Variants in SENP6 observed in about 807,000 individuals in gnomAD.
The protein encoded by SENP6 is SUMO specific peptidase 6.
Under a neutral mutation model 134.5 loss-of-function variants are expected in SENP6, and 41 were observed. That is an observed-to-expected ratio of 0.30 (90% confidence interval 0.24 to 0.40). SENP6 has a LOEUF of 0.40. SENP6 is among the 10% of genes least tolerant of loss of function. The pLI, the probability that SENP6 is intolerant of heterozygous loss-of-function variation, is 1.00. For missense variants in SENP6, 1,248 were observed against 1,312.5 expected, an observed-to-expected ratio of 0.95 and a Z score of 0.76; for synonymous variants, 395 against 429.8, an observed-to-expected ratio of 0.92 and a Z score of 1.00.
At chr6:75,645,797 CAG>C (rs1028933204) in intron 6 of SENP6, among the ~76,000 whole-genome samples, 2 of 152,062 alleles carry the variant, frequency 1.3e-5, no homozygotes, top group African/African-American at 4.8e-5. Flanking sequence ...TTTTAAAAAA[CAG>C]AACTTTAATT....
intron 20 of SENP6, among the ~76,000 whole-genome samples, chr6:75,710,079 T>TA (rs1314571760): frequency 6.6e-6 from 1 of 152,218 alleles, no homozygotes; most frequent in Admixed American, 6.5e-5. Flanking sequence ...TTATGGGTCA[T>TA]ACTTAACCTT....
intron 5 of SENP6, among the ~76,000 whole-genome samples, chr6:75,635,970 T>C (rs1769479422): frequency 6.6e-6 from 1 of 152,132 alleles, no homozygotes; most frequent in Non-Finnish European, 1.5e-5. Context: ...TACATTATTT[T>C]TGCTTTTGAA....
At chr6:75,707,355 CTTTTTTT>C (rs10564996) in intron 19 of SENP6, among the ~76,000 whole-genome samples, 23 of 74,692 alleles carry the variant, frequency 3.1e-4, no homozygotes, top group African/African-American at 4.7e-4. Context: ...TCTTCTTCTT[CTTTTTTT>C]TTTTTTTTTT....
chr6:75,714,121 C>CT (rs1775905462), intron 23 of SENP6, among the ~76,000 whole-genome samples: 1 of 152,188 alleles, frequency 6.6e-6, no homozygotes, highest in Admixed American at 6.5e-5. Context: ...CACACTGCCT[C>CT]TTTTAGCCTC....
chr6:75,707,721 A>T (rs1378773424), intron 19 of SENP6, among the ~76,000 whole-genome samples: 1 of 151,802 alleles, frequency 6.6e-6, no homozygotes, highest in African/African-American at 2.4e-5. Context: ...TCTCACTTTC[A>T]TAGAAGTTAA....
chr6:75,612,947 C>G (rs1425985834), intron 1 of SENP6, among the ~76,000 whole-genome samples: 1 of 152,050 alleles, frequency 6.6e-6, no homozygotes, highest in African/African-American at 2.4e-5. Flanking sequence ...GACCCCATCA[C>G]TACTAAAAAT....
intron 5 of SENP6, among the ~76,000 whole-genome samples, chr6:75,638,069 T>C (rs1769662837): frequency 1.3e-5 from 2 of 151,952 alleles, no homozygotes; most frequent in African/African-American, 4.8e-5. Context: ...ACTATGTTGG[T>C]CAGGCTGGTC....
chr6:75,712,996 C>A (rs1423784962), intron 21 of SENP6, among the ~76,000 whole-genome samples: 1 of 151,936 alleles, frequency 6.6e-6, no homozygotes, highest in Admixed American at 6.6e-5. Context: ...AGTTACAGCT[C>A]CTCAGGAGGC....
chr6:75,613,095 CAG>C (rs923060142), intron 1 of SENP6, among the ~76,000 whole-genome samples: 1 of 149,790 alleles, frequency 6.7e-6, no homozygotes, highest in African/African-American at 2.5e-5. Context: ...GCCTGCGTGA[CAG>C]AGTGAGATTC....
At chr6:75,624,180 ACTGTGCATGGTTTTT>A (rs1469452237) in intron 3 of SENP6, among the ~76,000 whole-genome samples, 1 of 152,178 alleles carries the variant, frequency 6.6e-6, no homozygotes, top group Non-Finnish European at 1.5e-5. Flanking sequence ...TTGGTAATAT[ACTGTGCATGGTTTTT>A]CTGATCTTCC....
intron 5 of SENP6, among the ~76,000 whole-genome samples, chr6:75,638,608 ATATATATATATATAT>A (rs1369953317): frequency 2.3e-5 from 1 of 43,590 alleles, no homozygotes; most frequent in Non-Finnish European, 4.3e-5. Context: ...ATATATATAT[ATATATATATATATAT>A]TTTTTTTTTT....
chr6:75,678,376 G>T, intron 14 of SENP6: 1 of 458,420 alleles, frequency 2.2e-6, no homozygotes, highest in Admixed American at 4.4e-5. Flanking sequence ...AGTTGGGAGA[G>T]TATCACTATC....
Position 75,666,779 on chromosome 6 carries a change from G to A in SENP6, c.1062G>A (p.Gln354=). ...ACAGAAGAGAAAGCATATCTCCTCA[G>A]CCTGCTGATTCAGCATGTTCTTCCC... ...RTNRRESISP[Q]PADSACSSPA... Residue 354 remains glutamine, a synonymous_variant, in exon 10 of 24, where the codon CAG becomes CAA. Transcript: ENST00000447266. 6.2e-7 allele frequency: 1 copy of A among 1,612,956 alleles called. No homozygotes were observed. Among genetic ancestry groups the A allele is most frequent in the Non-Finnish European group, 8.5e-7 (1 of 1,179,106 alleles).
chr6:75,713,007 T>C (rs1044666000), intron 21 of SENP6, among the ~76,000 whole-genome samples: 3 of 152,118 alleles, frequency 2.0e-5, no homozygotes, highest in African/African-American at 7.2e-5. Context: ...CTCAGGAGGC[T>C]GAGTTGGGAG....
intron 1 of SENP6, among the ~76,000 whole-genome samples, chr6:75,605,394 G>T (rs1472511025): frequency 6.6e-6 from 1 of 152,056 alleles, no homozygotes; most frequent in African/African-American, 2.4e-5. Flanking sequence ...AAAAAGTAAT[G>T]ACTTTTTTTT....
At chr6:75,667,433 AG>A (rs1351323039) in intron 10 of SENP6, among the ~76,000 whole-genome samples, 3 of 152,200 alleles carry the variant, frequency 2.0e-5, no homozygotes, top group Non-Finnish European at 2.9e-5. Context: ...TAAAAATTAC[AG>A]GATAAAAACA....
chr6:75,686,126 A>G (rs1773825468), intron 16 of SENP6, among the ~76,000 whole-genome samples: 2 of 152,202 alleles, frequency 1.3e-5, no homozygotes, highest in Non-Finnish European at 2.9e-5. Flanking sequence ...TTCTTATTGA[A>G]TTGATCCCTT....
At chr6:75,681,130 G>A (rs1024822128) in intron 16 of SENP6, among the ~76,000 whole-genome samples, 1 of 152,118 alleles carries the variant, frequency 6.6e-6, no homozygotes, top group Non-Finnish European at 1.5e-5. Flanking sequence ...TTGTGTCCCC[G>A]CCCAAATCTC....
In SENP6 at chr6:75,644,555, G is replaced by C. The variant is rs556029956; in HGVS notation, c.480-3176G>C. Among the ~76,000 whole-genome samples, 30 of 151,902 alleles carry C rather than the reference G, an allele frequency of 2.0e-4. No individual in the cohort carries two copies. In the East Asian group the frequency reaches 5.8e-3, roughly 29 times the overall value. Reference sequence around the variant, plus strand: ...GCTAGAGGGCAATGGTGCAACCTTGGCTCACTGCAACCTCTGCCTCTCAGG... The same window carrying C: ...GCTAGAGGGCAATGGTGCAACCTTGCCTCACTGCAACCTCTGCCTCTCAGG... On this transcript the variant is annotated intron_variant, in intron 6 of 23. Transcript: ENST00000447266.
Sources: gnomAD v4.1 joint callset for allele counts (sites outside exome capture counted in the v4.1 genomes callset) on GRCh38, gnomAD v4.1.1 for gene constraint, MANE v1.5 for transcripts, NCBI Gene and HGNC (gene_info 2026-07-23, HGNC 2026-07-21) for gene names.